HHIPL1: variants seen among roughly 807,000 people sequenced by gnomAD.
HHIPL1 encodes the protein HHIP like 1.
HHIPL1 carries 43 observed loss-of-function variants against 61.8 expected under a neutral mutation model. That is an observed-to-expected ratio of 0.70 (90% CI 0.55 to 0.90). HHIPL1 has a LOEUF of 0.90. Among genes scored for constraint, HHIPL1 ranks in the 40% least tolerant of loss-of-function variants. The probability of loss-of-function intolerance (pLI) is 0.00; values close to 1 mark genes in which losing one functional copy is unlikely to be tolerated. For synonymous variants in HHIPL1, 482 were observed against 515.8 expected, an observed-to-expected ratio of 0.93 and a Z score of 0.89; for missense variants, 1,056 against 1,157.7, an observed-to-expected ratio of 0.91 and a Z score of 1.28.
rs1031828036 is a variant in HHIPL1, at chr14:99,680,237, C to T, written c.*4611C>T. 1 of 129,066 alleles carries T rather than the reference C, an allele frequency of 7.7e-6. No homozygotes were observed. The highest frequency in any genetic ancestry group is 2.7e-5 in the African/African-American group (1 of 36,820). The allele number at this position is 129,066 out of a possible 1,614,324, so 8.0% of individuals were successfully genotyped here. ...TGTAAAGGCAGCCAATTCAGAGCCACCTCTTATGCCTGCATCTCCCCAACA... is the reference window on the plus strand; with the variant it reads ...TGTAAAGGCAGCCAATTCAGAGCCATCTCTTATGCCTGCATCTCCCCAACA... On this transcript the variant is annotated 3_prime_UTR_variant, in exon 9 of 9. Transcript: ENST00000330710.
chr14:99,652,792 G>A lies in HHIPL1; in HGVS notation c.824G>A (p.Arg275His), dbSNP rs201175515. 1.5e-4 allele frequency: 245 copies of A among 1,614,062 alleles called. 1 individual carries two copies. The highest frequency in any genetic ancestry group is 6.6e-4 in the Middle Eastern group (4 of 6,062). The change falls in exon 2 of 9, where the codon CGC (arginine) becomes CAC (histidine). Residue 275 changes from arginine (R) to histidine (H), a missense_variant. Coordinates refer to ENST00000330710, the MANE Select transcript of HHIPL1 (RefSeq NM_001127258.3). ...TACGTCTACTACTCAGTGGGTATCC[G>A]CAGCAGTGAGTGGATCCGCATCAGC... Reference protein sequence around the residue: ...RLYVYYSVGIRSSEWIRISEF... With the variant: ...RLYVYYSVGIHSSEWIRISEF...
chr14:99,672,794 G>A (rs1401099454), intron 8 of HHIPL1, among the ~76,000 whole-genome samples: 2 of 152,212 alleles, frequency 1.3e-5, no homozygotes, highest in African/African-American at 4.8e-5. Context: ...AGAGACGACA[G>A]AGCAGGGCCA....
At chr14:99,623,961 T>C in the HHIPL1 span, among the ~76,000 whole-genome samples, 1 of 152,214 alleles carries the variant, frequency 6.6e-6, no homozygotes, top group Non-Finnish European at 1.5e-5. Flanking sequence ...GCTTTGTTAT[T>C]GAAGGAAAAG....
chr14:99,646,784 T>C (rs2055841052), intron 1 of HHIPL1, among the ~76,000 whole-genome samples: 1 of 95,040 alleles, frequency 1.1e-5, no homozygotes, highest in Non-Finnish European at 1.9e-5. Flanking sequence ...AAAAATATAA[T>C]ATAATATAAT....
chr14:99,674,725 A>G (rs796848834), intron 8 of HHIPL1, among the ~76,000 whole-genome samples: 3 of 152,266 alleles, frequency 2.0e-5, no homozygotes, highest in African/African-American at 7.2e-5. Context: ...ATTGCCTTCC[A>G]GAGTTATGAA....
chr14:99,653,998 G>T (rs1454063382), intron 2 of HHIPL1, among the ~76,000 whole-genome samples: 1 of 152,116 alleles, frequency 6.6e-6, no homozygotes, highest in Non-Finnish European at 1.5e-5. Context: ...AGACCAGCCT[G>T]GCCAACATGG....
chr14:99,619,483 A>T, the HHIPL1 span, among the ~76,000 whole-genome samples: 2 of 151,108 alleles, frequency 1.3e-5, no homozygotes, highest in Non-Finnish European at 3.0e-5. Context: ...AAAAAGACTT[A>T]GAGTTTCAAT....
intron 1 of HHIPL1, among the ~76,000 whole-genome samples, chr14:99,648,434 C>T (rs1276833387): frequency 2.0e-5 from 3 of 152,160 alleles, no homozygotes; most frequent in Admixed American, 1.3e-4. Flanking sequence ...GGAATGTGTG[C>T]GCTGGCTCCA....
the HHIPL1 span, among the ~76,000 whole-genome samples, chr14:99,632,238 G>A: frequency 6.6e-6 from 1 of 152,008 alleles, no homozygotes; most frequent in African/African-American, 2.4e-5. Flanking sequence ...CTTGCATTGG[G>A]GTAGATCTTA....
chr14:99,620,387 C>T, the HHIPL1 span, among the ~76,000 whole-genome samples: 1 of 152,354 alleles, frequency 6.6e-6, no homozygotes, highest in East Asian at 1.9e-4. Flanking sequence ...GGTCCAGGAG[C>T]CCCTGCCCTG....
chr14:99,651,170 G>C (rs929054639), intron 1 of HHIPL1, among the ~76,000 whole-genome samples: 1 of 152,122 alleles, frequency 6.6e-6, no homozygotes, highest in Non-Finnish European at 1.5e-5. Context: ...CATCTCTTGA[G>C]CCCAGGAGGC....
At chr14:99,637,035 G>GAAGGAAA in the HHIPL1 span, among the ~76,000 whole-genome samples, 49 of 101,016 alleles carry the variant, frequency 4.9e-4, 4 homozygotes, top group African/African-American at 2.0e-3. Flanking sequence ...AAGAAAGAAA[G>GAAGGAAA]AAAGAAAGAA....
the HHIPL1 span, among the ~76,000 whole-genome samples, chr14:99,606,266 C>T: frequency 1.3e-5 from 2 of 152,180 alleles, no homozygotes; most frequent in South Asian, 4.1e-4. Flanking sequence ...CTCTGAGGCA[C>T]TGCTCTGCTG....
At chr14:99,621,747 G>T in the HHIPL1 span, among the ~76,000 whole-genome samples, 2 of 90,366 alleles carry the variant, frequency 2.2e-5, no homozygotes, top group Admixed American at 1.8e-4. Context: ...ACACAGTCTT[G>T]CTCTGTTGCC....
Position 99,668,491 on chromosome 14 carries a change from G to A in HHIPL1, c.1730+188G>A, listed in dbSNP as rs2056282979. On this transcript the variant is annotated intron_variant, in intron 7 of 8. Transcript: ENST00000330710. This position sits in a 1 kb window ranked among gnomAD's most constrained non-coding sequence, Gnocchi z 4.7. ...CGGCAAGGGGCAGACCCAGGATTCA[G>A]ACCCGGGTCTGCACGCCTCAAAGCA... Among the ~76,000 whole-genome samples the A allele has an allele frequency of 6.6e-6, 1 of 152,138 alleles. No individual in the cohort carries two copies. The highest frequency in any genetic ancestry group is 2.4e-5 in the African/African-American group (1 of 41,424).
intron 7 of HHIPL1, chr14:99,669,011 C>T: frequency 6.6e-7 from 1 of 1,524,792 alleles, no homozygotes; most frequent in Non-Finnish European, 8.8e-7. Context: ...TGCCCTAACC[C>T]CTTGGCTGTG....
At chr14:99,664,984 G>A (rs964312681) in intron 6 of HHIPL1, among the ~76,000 whole-genome samples, 8 of 149,826 alleles carry the variant, frequency 5.3e-5, no homozygotes, top group Non-Finnish European at 1.5e-5. Flanking sequence ...GTGCAATCTC[G>A]GTTCACTGCA....
the HHIPL1 span, among the ~76,000 whole-genome samples, chr14:99,621,709 C>CTTTTTTTTTTTTTTT: frequency 8.3e-5 from 7 of 84,534 alleles, 1 homozygote; most frequent in Non-Finnish European, 1.3e-4. Flanking sequence ...CTTTTCTTTT[C>CTTTTTTTTTTTTTTT]TTTTTTTTTT....
Position 99,668,040 on chromosome 14 carries a change from C to T in HHIPL1, c.1649-182C>T, listed in dbSNP as rs892570520. On this transcript the variant is annotated intron_variant, in intron 6 of 8. Transcript: ENST00000330710. This position sits in a 1 kb window ranked among gnomAD's most constrained non-coding sequence, Gnocchi z 4.7. ...GGCCCTTGGGTACAACCCAACTCCT[C>T]ACCCAGCCTCACTTCCTCTTTCTGG... is the stretch of plus-strand genomic sequence containing the variant. Among the ~76,000 whole-genome samples the T allele has an allele frequency of 6.6e-6, 1 of 152,202 alleles. No individual in the cohort carries two copies. Among genetic ancestry groups the T allele is most frequent in the African/African-American group, 2.4e-5 (1 of 41,450 alleles).
Sources: allele counts gnomAD v4.1 joint callset (sites outside exome capture counted in the v4.1 genomes callset), GRCh38; gene constraint gnomAD v4.1.1; non-coding constraint Gnocchi (gnomAD v3.1); transcripts MANE v1.5; gene names NCBI Gene and HGNC (gene_info 2026-07-23, HGNC 2026-07-21).